Variants in ALDH16A1 observed in about 807,000 individuals in gnomAD.
ALDH16A1 encodes the protein aldehyde dehydrogenase 16 family member A1.
In ALDH16A1, 88 loss-of-function variants were observed where a neutral mutation model predicts 96.1. The observed-to-expected ratio is 0.92, with a 90% CI of 0.77 to 1.09. ALDH16A1 has a LOEUF of 1.09. Ranked by LOEUF, ALDH16A1 falls within the 50% of genes least tolerant of loss-of-function variation. The probability of loss-of-function intolerance (pLI) is 0.00; values close to 1 mark genes in which losing one functional copy is unlikely to be tolerated. For missense variants in ALDH16A1, 1,250 were observed against 1,112.6 expected, an observed-to-expected ratio of 1.12 and a Z score of -1.76; for synonymous variants, 522 against 496.4, an observed-to-expected ratio of 1.05 and a Z score of -0.69.
Position 49,470,369 on chromosome 19 carries a change from TGCCCGCGG to T in ALDH16A1, c.2315_2322del (p.Pro772LeufsTer64). 6.2e-7 allele frequency: 1 copy of T among 1,613,132 alleles called. No individual in the cohort carries two copies. Among genetic ancestry groups the T allele is most frequent in the Non-Finnish European group, 8.5e-7 (1 of 1,179,814 alleles). On this transcript the variant is annotated frameshift_variant, in exon 17 of 17. Transcript: ENST00000293350. LOFTEE classifies it high-confidence loss of function. Reference sequence around the variant, plus strand: ...CAAACCGGTGTGGGCGAGCAGGGGCTGCCCGCGGGCCTGGGACCAGGAGGCCGAGGGGG... The same window carrying T: ...CAAACCGGTGTGGGCGAGCAGGGGCTGCCTGGGACCAGGAGGCCGAGGGGG...
Position 49,465,735 on chromosome 19 carries a change from C to T in ALDH16A1, c.1569-3C>T. On this transcript the variant is annotated splice_region_variant and splice_polypyrimidine_tract_variant and intron_variant, in intron 12 of 16. Coordinates refer to ENST00000293350, the MANE Select transcript of ALDH16A1 (RefSeq NM_153329.4). Reference sequence around the variant, plus strand: ...CTCCTCCTCATGTCCCACCCTACTCCAGCCCAGCACCCCCCTATGGGCTCT... The same window carrying T: ...CTCCTCCTCATGTCCCACCCTACTCTAGCCCAGCACCCCCCTATGGGCTCT... 1 of 1,611,248 alleles carries T rather than the reference C, an allele frequency of 6.2e-7. No individual in the cohort carries two copies.
rs201780425 is a variant in ALDH16A1, at chr19:49,464,111, C to G, written c.1195-16C>G. On this transcript the variant is annotated splice_polypyrimidine_tract_variant and intron_variant, in intron 9 of 16. Coordinates refer to ENST00000293350, the MANE Select transcript of ALDH16A1 (RefSeq NM_153329.4). ...GTGGGCCCTGGAGGGCTGAGCCTCC[C>G]GGTCACCCCTTGCAGGTGCCGTGGC... The G allele has an allele frequency of 1.2e-6, 2 of 1,603,006 alleles. No homozygotes were observed. The highest frequency in any genetic ancestry group is 8.5e-7 in the Non-Finnish European group (1 of 1,175,746).
chr19:49,456,899 G>A (rs889817625), intron 1 of ALDH16A1, among the ~76,000 whole-genome samples: 2 of 151,760 alleles, frequency 1.3e-5, no homozygotes, highest in African/African-American at 4.8e-5. Context: ...CCTGAGGCCA[G>A]GAGTTCGAGA....
intron 16 of ALDH16A1, 118 bp downstream of exon 16, chr19:49,469,104 G>A (rs2079224101): frequency 7.0e-7 from 1 of 1,437,122 alleles, no homozygotes; most frequent in African/African-American, 1.4e-5. Context: ...GAAACTCCTT[G>A]ACAAGAAGGT....
In ALDH16A1 at chr19:49,458,547, C is replaced by G; in HGVS notation, c.152C>G (p.Pro51Arg). Residue 51 changes from proline (P) to arginine (R), a missense_variant, in exon 2 of 17, where the codon CCT becomes CGT. Physicochemically the swap from Pro to Arg is moderately radical, Grantham distance 103. Transcript: ENST00000293350. ...GHYVNGKWLK[P>R]EHRNSVPCQD... ...TATGTGAATGGGAAGTGGTTAAAGC[C>G]TGAACACAGAAATTCAGTGCCTTGC... The G allele has an allele frequency of 2.6e-6, 4 of 1,566,744 alleles. No individual in the cohort carries two copies. Among genetic ancestry groups the G allele is most frequent in the Non-Finnish European group, 3.5e-6 (4 of 1,153,462 alleles).
At position 49,464,592 on chromosome 19, in the gene ALDH16A1, G is replaced by T. The variant is rs369626137; in HGVS notation, c.1438-40G>T. The T allele has an allele frequency of 2.5e-6, 4 of 1,613,500 alleles. No individual in the cohort carries two copies. In the East Asian group the frequency reaches 8.9e-5, roughly 36 times the overall value. On this transcript the variant is annotated intron_variant, in intron 11 of 16. Coordinates refer to ENST00000293350, the MANE Select transcript of ALDH16A1 (RefSeq NM_153329.4). The stretch of plus-strand genomic sequence containing the variant: ...GCCCTTGACACTCGCATCCGGCCTC[G>T]CGTGCCCCTTGCATCCTCTTGACAC...
At chr19:49,455,129 CA>C (rs2079097590) in intron 1 of ALDH16A1, among the ~76,000 whole-genome samples, 1 of 149,002 alleles carries the variant, frequency 6.7e-6, no homozygotes, top group Admixed American at 6.7e-5. Context: ...AAAAAAAATA[CA>C]AAAATGGCTG....
At chr19:49,461,180 G>GGAGTCTGGACTCCT (rs2079139807) in intron 5 of ALDH16A1, among the ~76,000 whole-genome samples, 1 of 135,272 alleles carries the variant, frequency 7.4e-6, no homozygotes, top group African/African-American at 3.1e-5. Flanking sequence ...AGGAGGGGCT[G>GGAGTCTGGACTCCT]GGGTCTGGAT....
chr19:49,466,396 G>T lies in ALDH16A1; in HGVS notation c.1938+113G>T. ...GGGCCCAGCCCCACCGCCTTCCACG[G>T]CAGGATCATCAGCAAGTGGCTTCAC... On this transcript the variant is annotated intron_variant, in intron 14 of 16. Coordinates refer to ENST00000293350, the MANE Select transcript of ALDH16A1 (RefSeq NM_153329.4). 4 of 1,172,932 alleles carry T rather than the reference G, an allele frequency of 3.4e-6. No individual in the cohort carries two copies. In the South Asian group the frequency reaches 7.0e-5, roughly 21 times the overall value. The allele number at this position is 1,172,932 out of a possible 1,614,324, so 72.7% of individuals were successfully genotyped here. A position where few individuals can be genotyped will look rare whatever the true frequency, so the allele number is the denominator to read the frequency against.
Position 49,465,807 on chromosome 19 carries a change from C to T in ALDH16A1, c.1638C>T (p.Pro546=), listed in dbSNP as rs1384543576. The change falls in exon 13 of 17, where the codon CCC becomes CCT. Residue 546 remains proline (P), a synonymous_variant. Transcript: ENST00000293350. Reference sequence around the variant, plus strand: ...CTCCTGGGGCCCGAAGCTCCAGGCCCATCCGGGATTCGTCTGGCAACCTCC... The same window carrying T: ...CTCCTGGGGCCCGAAGCTCCAGGCCTATCCGGGATTCGTCTGGCAACCTCC... ...FQAPGARSSR[P]IRDSSGNLHG... The T allele has an allele frequency of 1.2e-6, 2 of 1,614,192 alleles. No homozygotes were observed. The highest frequency in any genetic ancestry group is 1.1e-5 in the South Asian group (1 of 91,086).
Position 49,461,744 on chromosome 19 carries a change from C to A in ALDH16A1, c.703C>A (p.Pro235Thr). The change falls in exon 6 of 17, where the codon CCC (proline) becomes ACC (threonine). Residue 235 changes from proline to threonine, a missense_variant. By Grantham distance (38) the Pro-to-Thr change is conservative. Coordinates refer to ENST00000293350, the MANE Select transcript of ALDH16A1 (RefSeq NM_153329.4). ...NVLSGPASLV[P>T]ILASQPGIRK... The stretch of plus-strand genomic sequence containing the variant: ...CCTCAGTGGCCCTGCGTCCCTGGTG[C>A]CCATCCTGGCCTCCCAGCCTGGAAT... 2 of 1,610,124 alleles carry A rather than the reference C, an allele frequency of 1.2e-6. No individual in the cohort carries two copies. Among genetic ancestry groups the A allele is most frequent in the Non-Finnish European group, 1.7e-6 (2 of 1,178,264 alleles).
rs187393386 is a variant in ALDH16A1, at chr19:49,465,882, G to C, written c.1713G>C (p.Glu571Asp). The part of the protein sequence containing the change: ...GGAKDIRGAV[E>D]AAHQAFPGWA... ...CCAAGGACATCCGAGGTGCTGTGGA[G>C]GCCGCTCACCAGGCTTTCCCTGGGT... Residue 571 changes from glutamate to aspartate, a missense_variant, in exon 13 of 17, where the codon GAG becomes GAC. Physicochemically the swap from Glu to Asp is conservative, Grantham distance 45. Transcript: ENST00000293350. 7.6e-5 allele frequency: 122 copies of C among 1,614,048 alleles called. 1 individual carries two copies. The Admixed American group carries it at 1.6e-3, about 21-fold the overall frequency.
chr19:49,467,246 C>T (rs1431094727), intron 14 of ALDH16A1, among the ~76,000 whole-genome samples: 2 of 152,102 alleles, frequency 1.3e-5, no homozygotes, highest in Admixed American at 6.5e-5. Context: ...ATCTTGAACT[C>T]CTAGCTTCAA....
Position 49,460,915 on chromosome 19 carries a change from G to A in ALDH16A1, c.577+16G>A. ...CTGGCTGTGGGTAAATGATGGCCTG[G>A]GGGGTCCTGACTCTTGGGTCTGAGA... On this transcript the variant is annotated intron_variant, in intron 5 of 16. Transcript: ENST00000293350. 1 of 1,610,928 alleles carries A rather than the reference G, an allele frequency of 6.2e-7. No homozygotes were observed. Among genetic ancestry groups the A allele is most frequent in the African/African-American group, 1.3e-5 (1 of 74,956 alleles).
At position 49,461,913 on chromosome 19, in the gene ALDH16A1, G is replaced by C; in HGVS notation, c.789G>C (p.Ala263=). Residue 263 remains alanine (A), a synonymous_variant, in exon 7 of 17, where the codon GCG becomes GCC. Transcript: ENST00000293350. ...GGCGTGCCCTTCGACGGAGCCTGGC[G>C]GGAGAGTGTGCGGAGCTGGGCCTGG... ...EEGRALRRSL[A]GECAELGLAL... is the part of the protein sequence containing the mutation. The C allele has an allele frequency of 6.3e-7, 1 of 1,580,868 alleles. No individual in the cohort carries two copies. Among genetic ancestry groups the C allele is most frequent in the Non-Finnish European group, 8.6e-7 (1 of 1,164,270 alleles).
Position 49,459,229 on chromosome 19 carries a change from C to T in ALDH16A1, c.320+143C>T. On this transcript the variant is annotated intron_variant, in intron 3 of 16. Coordinates refer to ENST00000293350, the MANE Select transcript of ALDH16A1 (RefSeq NM_153329.4). This position sits in a 1 kb window ranked among gnomAD's most constrained non-coding sequence, Gnocchi z 4.1. ...ATTCCCAGTATGTGCTGGAGGCAGT[C>T]GTGGCTGAAACATGCATCCGTTGTC... The T allele has an allele frequency of 2.0e-5, 26 of 1,333,238 alleles. No homozygotes were observed. The highest frequency in any genetic ancestry group is 2.6e-5 in the Non-Finnish European group (26 of 995,942). The allele number at this position is 1,333,238 out of a possible 1,614,324, so 82.6% of individuals were successfully genotyped here.
At chr19:49,467,463 C>T (rs2079208243) in intron 14 of ALDH16A1, among the ~76,000 whole-genome samples, 1 of 150,236 alleles carries the variant, frequency 6.7e-6, no homozygotes, top group African/African-American at 2.5e-5. Flanking sequence ...GGCGCAATCT[C>T]GGCTCACTGC....
chr19:49,465,829 CT>C lies in ALDH16A1; in HGVS notation c.1661del (p.Leu554ProfsTer73), dbSNP rs1217749651. On this transcript the variant is annotated frameshift_variant, in exon 13 of 17. Transcript: ENST00000293350. LOFTEE classifies it high-confidence loss of function. ...GCCCATCCGGGATTCGTCTGGCAAC[CT>C]CCATGGCTACGTGGCTGAGGGTGGA... The part of the protein sequence containing the change: ...SRPIRDSSGN[L>X]HGYVAEGGAK... The C allele has an allele frequency of 1.2e-6, 2 of 1,614,170 alleles. No individual in the cohort carries two copies. The highest frequency in any genetic ancestry group is 3.3e-5 in the Admixed American group (2 of 60,008).
intron 1 of ALDH16A1, among the ~76,000 whole-genome samples, chr19:49,455,260 C>CA (rs2079098359): frequency 1.3e-5 from 2 of 148,810 alleles, no homozygotes; most frequent in Non-Finnish European, 3.0e-5. Context: ...ACTAAAAATA[C>CA]AAAAAATTAG....
Sources: gnomAD v4.1 joint callset for allele counts (sites outside exome capture counted in the v4.1 genomes callset) on GRCh38, gnomAD v4.1.1 for gene constraint, Gnocchi (gnomAD v3.1) non-coding constraint, MANE v1.5 for transcripts, NCBI Gene and HGNC (gene_info 2026-07-23, HGNC 2026-07-21) for gene names.